Variants in PRPF3 observed in about 807,000 individuals in gnomAD.
PRPF3 encodes pre-mRNA processing factor 3.
A neutral mutation model predicts 89.2 loss-of-function variants in PRPF3; 3 were observed. The ratio of observed to expected loss-of-function variants is 0.03; its 90% confidence interval spans 0.02 to 0.09. The LOEUF is 0.09. PRPF3 is among the 10% of genes least tolerant of loss of function. PRPF3 has a pLI of 1.00. For missense variants in PRPF3, 463 were observed against 828.8 expected (o/e 0.56, Z 5.42); for synonymous variants, 270 against 289.1 (o/e 0.93, Z 0.67).
At chr1:150,344,793 A>G (rs1202775908) in intron 12 of PRPF3, among the ~76,000 whole-genome samples, 2 of 152,040 alleles carry the variant, frequency 1.3e-5, no homozygotes, top group Non-Finnish European at 2.9e-5. Context: ...ATTAGTTCTG[A>G]ACAAGTCAAT....
intron 7 of PRPF3, among the ~76,000 whole-genome samples, chr1:150,337,762 T>TC (rs1553868450): frequency 0.32 from 35,428 of 110,214 alleles, 6,113 homozygotes; most frequent in African/African-American, 0.56. Flanking sequence ...AGACTCCGTC[T>TC]ACAAAAAAAA....
rs71578484 is a variant in PRPF3 at position 150,339,737 on chromosome 1, GTTT to G, written c.1203-639_1203-637del. On this transcript the variant is annotated intron_variant, in intron 8 of 15. Transcript: ENST00000324862. ...ACAGGCATGAGCCACCACGCCTGGC[GTTT>G]TTTTTTTTTTTTTTTTTTTTTAAGA... Among the ~76,000 whole-genome samples, 98 of 110,284 alleles carry G rather than the reference GTTT, an allele frequency of 8.9e-4. 1 individual carries two copies. In the East Asian group the frequency reaches 0.01, roughly 11 times the overall value. The allele number at this position is 110,284 out of a possible 152,430, so 72.4% of individuals were successfully genotyped here. A position where few individuals can be genotyped will look rare whatever the true frequency, so the allele number is the denominator to read the frequency against.
At chr1:150,322,408 C>CT (rs1553862285) in intron 1 of PRPF3, among the ~76,000 whole-genome samples, 4 of 152,172 alleles carry the variant, frequency 2.6e-5, no homozygotes, top group African/African-American at 9.7e-5. Flanking sequence ...TTAACTTGCC[C>CT]AAGGGCTTGT....
At chr1:150,325,935 A>G in intron 3 of PRPF3, 54 bp downstream of exon 3, 1 of 1,599,230 alleles carries the variant, frequency 6.3e-7, no homozygotes, top group Middle Eastern at 1.7e-4. Flanking sequence ...ATGGTAACAG[A>G]GTTGCTGAGC....
intron 7 of PRPF3, among the ~76,000 whole-genome samples, chr1:150,336,615 G>A (rs1031596426): frequency 6.6e-6 from 1 of 152,002 alleles, no homozygotes; most frequent in Non-Finnish European, 1.5e-5. Flanking sequence ...AATTAACCGA[G>A]CGTGGTGGTG....
intron 4 of PRPF3, among the ~76,000 whole-genome samples, chr1:150,331,369 TCTTTA>T (rs1390186408): frequency 4.0e-5 from 6 of 150,352 alleles, no homozygotes; most frequent in Non-Finnish European, 7.4e-5. Flanking sequence ...TTTCTTTCTT[TCTTTA>T]CTTATTTAGA....
At chr1:150,325,570 T>C (rs782658751) in intron 2 of PRPF3, among the ~76,000 whole-genome samples, 181 bp from the exon 3 acceptor site, 2 of 152,168 alleles carry the variant, frequency 1.3e-5, no homozygotes, top group South Asian at 4.1e-4. Context: ...CAAAAAATTA[T>C]AACTATTTTC....
In PRPF3 at chr1:150,348,476, T is replaced by TTTTTTTTTTTTTTTTTTG. The variant is rs1560120317; in HGVS notation, c.1844-678_1844-677insTTTTTTTTTTTTTTGTTT. Among the ~76,000 whole-genome samples, 4 of 134,574 alleles carry TTTTTTTTTTTTTTTTTTG rather than the reference T, an allele frequency of 3.0e-5. No homozygotes were observed. In the East Asian group the frequency reaches 9.1e-4, roughly 31 times the overall value. 88.3% of individuals were successfully genotyped at this position (134,574 alleles called of 152,430 possible). On this transcript the variant is annotated intron_variant, in intron 14 of 15. Transcript: ENST00000324862. Reference sequence around the variant, plus strand: ...TACACGTGCATTTTTTTTTTTTTTTTTTTGAGATGGAGTCTTTGCTCTTTT... The same window carrying TTTTTTTTTTTTTTTTTTG: ...TACACGTGCATTTTTTTTTTTTTTTTTTTTTTTTTTTTTTTTTGTTTGAGATGGAGTCTTTGCTCTTTT...
intron 7 of PRPF3, among the ~76,000 whole-genome samples, chr1:150,335,538 T>C (rs1237039881): frequency 6.6e-6 from 1 of 152,194 alleles, no homozygotes; most frequent in Admixed American, 6.5e-5. Flanking sequence ...CGATCTCGGC[T>C]TGCTGCAACC....
chr1:150,342,246 G>T (rs2102006040), intron 9 of PRPF3, among the ~76,000 whole-genome samples: 1 of 151,768 alleles, frequency 6.6e-6, no homozygotes, highest in East Asian at 2.0e-4. Context: ...CAGACGTGGT[G>T]GCGGGTGCCT....
At chr1:150,346,288 A>G (rs1426109819) in intron 13 of PRPF3, 120 bp from the exon 14 acceptor site, 4 of 1,243,376 alleles carry the variant, frequency 3.2e-6, no homozygotes, top group Non-Finnish European at 3.6e-6. Flanking sequence ...TTGGAGTAGA[A>G]GGCCCTAAGA....
rs1553874835 is a variant in PRPF3 at position 150,353,217 on chromosome 1, C to T, written c.*238C>T. On this transcript the variant is annotated 3_prime_UTR_variant, in exon 16 of 16. Coordinates refer to ENST00000324862, the MANE Select transcript of PRPF3 (RefSeq NM_004698.4). ...TAAACTTGGTGTGATATTTTTCACA[C>T]ATTCGTAAGTATTAGAGTTTGGGTC... 3.7e-6 allele frequency: 2 copies of T among 537,104 alleles called. No homozygotes were observed. The highest frequency in any genetic ancestry group is 6.7e-6 in the Non-Finnish European group (2 of 297,258). 33.3% of individuals were successfully genotyped at this position (537,104 alleles called of 1,614,324 possible). A position where few individuals can be genotyped will look rare whatever the true frequency, so the allele number is the denominator to read the frequency against.
chr1:150,333,936 T>C (rs1324305271), intron 6 of PRPF3, among the ~76,000 whole-genome samples: 1 of 152,198 alleles, frequency 6.6e-6, no homozygotes, highest in Non-Finnish European at 1.5e-5. Context: ...GATAGGATTA[T>C]AAATTCATAT....
In PRPF3 at chr1:150,349,142, A is replaced by G. The variant is rs1306564094; in HGVS notation, c.1844-15A>G. ...GAATCTCAAGTCTAAGTCTGTAACA[A>G]GATTTCTCTTCCAGATGATGAGGAG... On this transcript the variant is annotated splice_polypyrimidine_tract_variant and intron_variant, in intron 14 of 15. Coordinates refer to ENST00000324862, the MANE Select transcript of PRPF3 (RefSeq NM_004698.4). 6.2e-7 allele frequency: 1 copy of G among 1,609,648 alleles called. No homozygotes were observed. The highest frequency in any genetic ancestry group is 8.5e-7 in the Non-Finnish European group (1 of 1,176,080).
chr1:150,342,104 AGGCGAGGT>A (rs1572257752), intron 9 of PRPF3, among the ~76,000 whole-genome samples: 1 of 151,870 alleles, frequency 6.6e-6, no homozygotes, highest in African/African-American at 2.4e-5. Context: ...ATAAGAGGCC[AGGCGAGGT>A]GGCTCATGCC....
At chr1:150,333,797 C>T (rs1553866449) in intron 6 of PRPF3, among the ~76,000 whole-genome samples, 1 of 152,048 alleles carries the variant, frequency 6.6e-6, no homozygotes, top group African/African-American at 2.4e-5. Context: ...CAGATTTATC[C>T]ATTAAACCAC....
At chr1:150,334,707 C>T (rs1553866756) in intron 6 of PRPF3, among the ~76,000 whole-genome samples, 2 of 151,774 alleles carry the variant, frequency 1.3e-5, no homozygotes, top group African/African-American at 4.8e-5. Context: ...GTAGGTGGGA[C>T]CACAGGTATA....
intron 9 of PRPF3, among the ~76,000 whole-genome samples, chr1:150,341,974 G>A (rs949940785): frequency 7.2e-5 from 11 of 151,878 alleles, no homozygotes; most frequent in Middle Eastern, 3.4e-3. Flanking sequence ...AAAGTGCTGG[G>A]TTTACCGGCG....
Position 150,335,244 on chromosome 1 carries a change from A to G in PRPF3, c.1035+3A>G. ...TTGCTCAGCGATTACGGACAAAGGT[A>G]TCTGGCTTAGAGTATAACACAGAAT... On this transcript the variant is annotated splice_donor_region_variant and intron_variant, in intron 7 of 15. Coordinates refer to ENST00000324862, the MANE Select transcript of PRPF3 (RefSeq NM_004698.4). 6.2e-7 allele frequency: 1 copy of G among 1,613,348 alleles called. No individual in the cohort carries two copies.
Sources: gnomAD v4.1 joint callset for allele counts (sites outside exome capture counted in the v4.1 genomes callset) on GRCh38, gnomAD v4.1.1 for gene constraint, MANE v1.5 for transcripts, NCBI Gene and HGNC (gene_info 2026-07-23, HGNC 2026-07-21) for gene names.